L3MBTL4: variants seen among roughly 807,000 people sequenced by gnomAD.
L3MBTL4 encodes the protein lethal(3)malignant brain tumor-like protein 4.
In L3MBTL4, 70 loss-of-function variants were observed where a neutral mutation model predicts 84.5. That is an observed-to-expected ratio of 0.83 (90% CI 0.68 to 1.01). The LOEUF (loss-of-function observed/expected upper bound fraction) is 1.01. Among genes scored for constraint, L3MBTL4 ranks in the 50% least tolerant of loss-of-function variants. The pLI, the probability that L3MBTL4 is intolerant of heterozygous loss-of-function variation, is 0.00. For missense variants in L3MBTL4, 715 were observed against 754.8 expected, an observed-to-expected ratio of 0.95 and a Z score of 0.62; for synonymous variants, 274 against 259.8, an observed-to-expected ratio of 1.05 and a Z score of -0.52.
At chr18:6,248,735 C>G (rs973941615) in intron 5 of L3MBTL4, among the ~76,000 whole-genome samples, 1 of 152,182 alleles carries the variant, frequency 6.6e-6, no homozygotes, top group Non-Finnish European at 1.5e-5. Flanking sequence ...ACTAATGTCT[C>G]TTGGAAACCA....
intron 1 of L3MBTL4, among the ~76,000 whole-genome samples, chr18:6,332,708 T>C (rs1029465191): frequency 6.6e-6 from 1 of 152,190 alleles, no homozygotes; most frequent in Admixed American, 6.5e-5. Context: ...TGGAACCAAG[T>C]GTTGGGAGTG....
intron 1 of L3MBTL4, among the ~76,000 whole-genome samples, chr18:6,372,431 T>C (rs867298851): frequency 2.6e-5 from 4 of 152,220 alleles, no homozygotes; most frequent in African/African-American, 7.2e-5. Context: ...AACACAGGCT[T>C]ATTTGTAACA....
chr18:6,036,938 G>A (rs1164886057), intron 16 of L3MBTL4, among the ~76,000 whole-genome samples: 2 of 152,134 alleles, frequency 1.3e-5, no homozygotes, highest in African/African-American at 2.4e-5. Flanking sequence ...GGATGTTTTA[G>A]TCTTTAATGT....
intron 18 of L3MBTL4, among the ~76,000 whole-genome samples, chr18:5,959,462 T>C (rs116121321): frequency 0.013 from 2,031 of 152,316 alleles, 48 homozygotes; most frequent in African/African-American, 0.046. Flanking sequence ...GTCCAGTCTC[T>C]TCCGGGGCCC....
At chr18:6,150,969 G>A (rs894628439) in intron 13 of L3MBTL4, among the ~76,000 whole-genome samples, 8 of 152,160 alleles carry the variant, frequency 5.3e-5, no homozygotes, top group South Asian at 2.1e-4. Context: ...GGGACCGCAC[G>A]GAGTGCCATC....
intron 15 of L3MBTL4, among the ~76,000 whole-genome samples, chr18:6,091,949 A>G (rs2058473758): frequency 1.3e-5 from 2 of 152,236 alleles, no homozygotes; most frequent in Admixed American, 6.5e-5. Context: ...TTCTCTCTCA[A>G]TTAGGAAATG....
At chr18:6,412,928 A>G (rs1248719223) in intron 1 of L3MBTL4, among the ~76,000 whole-genome samples, 1 of 152,024 alleles carries the variant, frequency 6.6e-6, no homozygotes, top group Non-Finnish European at 1.5e-5. Context: ...CTACAAAAAA[A>G]AAAAAATTAG....
chr18:5,973,539 T>TC (rs1304754170), intron 16 of L3MBTL4, among the ~76,000 whole-genome samples: 1 of 152,138 alleles, frequency 6.6e-6, no homozygotes, highest in Non-Finnish European at 1.5e-5. Flanking sequence ...ATTTTAACTT[T>TC]TTTTTACAAA....
intron 15 of L3MBTL4, among the ~76,000 whole-genome samples, chr18:6,090,984 C>T (rs180880823): frequency 1.3e-5 from 2 of 152,202 alleles, no homozygotes; most frequent in East Asian, 3.9e-4. Flanking sequence ...AATTTAACCC[C>T]CATCACTATT....
At chr18:6,338,712 G>A (rs1040689268) in intron 1 of L3MBTL4, among the ~76,000 whole-genome samples, 8 of 152,004 alleles carry the variant, frequency 5.3e-5, no homozygotes, top group African/African-American at 1.9e-4. Flanking sequence ...CAGAGTGGAT[G>A]TTAGAAACCT....
chr18:6,133,384 T>C (rs1000673328), intron 14 of L3MBTL4, among the ~76,000 whole-genome samples: 7 of 151,116 alleles, frequency 4.6e-5, no homozygotes, highest in South Asian at 2.1e-4. Context: ...ACAGAAGGCC[T>C]GAGGAAGATG....
intron 16 of L3MBTL4, among the ~76,000 whole-genome samples, chr18:5,997,901 T>C (rs2054048769): frequency 6.6e-6 from 1 of 152,160 alleles, no homozygotes; most frequent in Non-Finnish European, 1.5e-5. Flanking sequence ...GGGACTCGAG[T>C]AGCTGCTTTT....
intron 3 of L3MBTL4, among the ~76,000 whole-genome samples, 180 bp from the exon 4 acceptor site, chr18:6,302,137 G>A (rs1402277414): frequency 6.6e-6 from 1 of 152,142 alleles, no homozygotes; most frequent in Non-Finnish European, 1.5e-5. Flanking sequence ...TGATCCATTT[G>A]GACGTGGAAG....
chr18:6,385,451 A>G (rs942443695), intron 1 of L3MBTL4, among the ~76,000 whole-genome samples: 4 of 152,096 alleles, frequency 2.6e-5, no homozygotes, highest in Non-Finnish European at 4.4e-5. Flanking sequence ...AGCTTAACAG[A>G]AGAGGTAAAG....
intron 12 of L3MBTL4, among the ~76,000 whole-genome samples, chr18:6,197,941 A>T (rs1389754725): frequency 3.3e-5 from 5 of 152,206 alleles, no homozygotes; most frequent in Non-Finnish European, 7.3e-5. Flanking sequence ...GGTCAGACAG[A>T]ACTGGGGCTG....
intron 4 of L3MBTL4, among the ~76,000 whole-genome samples, chr18:6,296,854 AGGCACTG>A (rs564369255): frequency 1.4e-4 from 21 of 152,214 alleles, no homozygotes; most frequent in Non-Finnish European, 3.1e-4. Context: ...AGTTGAGAAA[AGGCACTG>A]GGTTGGAGTC....
intron 14 of L3MBTL4, among the ~76,000 whole-genome samples, chr18:6,133,224 TAGC>T (rs2059926642): frequency 6.6e-6 from 1 of 152,004 alleles, no homozygotes; most frequent in African/African-American, 2.4e-5. Context: ...TCCAATACAG[TAGC>T]CACTAGTCAC....
intron 16 of L3MBTL4, among the ~76,000 whole-genome samples, chr18:5,990,857 G>A (rs996123285): frequency 6.6e-6 from 1 of 151,906 alleles, no homozygotes; most frequent in Non-Finnish European, 1.5e-5. Flanking sequence ...TTACATGACA[G>A]CAGCAGTAAG....
At chr18:6,172,927 C>A (rs1452085216) in intron 12 of L3MBTL4, among the ~76,000 whole-genome samples, 1 of 152,100 alleles carries the variant, frequency 6.6e-6, no homozygotes, top group Non-Finnish European at 1.5e-5. Flanking sequence ...CAAATAAACT[C>A]CCAATATTTT....
Sources: gnomAD v4.1 joint callset for allele counts (sites outside exome capture counted in the v4.1 genomes callset) on GRCh38, gnomAD v4.1.1 for gene constraint, MANE v1.5 for transcripts, NCBI Gene and HGNC (gene_info 2026-07-23, HGNC 2026-07-21) for gene names.